The following IMPA2 variants were observed in gnomAD, a reference collection of about 807,000 sequenced individuals.
IMPA2 encodes inositol monophosphatase 2.
IMPA2 carries 32 observed loss-of-function variants against 35.1 expected under a neutral mutation model. The observed-to-expected ratio is 0.91, with a 90% CI of 0.69 to 1.23. The LOEUF (loss-of-function observed/expected upper bound fraction) is 1.23, where lower values mean the gene tolerates loss of function less well. IMPA2 is among the 50% of genes most tolerant of loss of function. The probability of loss-of-function intolerance (pLI) is 0.00; values close to 1 mark genes in which losing one functional copy is unlikely to be tolerated. For missense variants in IMPA2, 334 were observed against 387.6 expected, an observed-to-expected ratio of 0.86 and a Z score of 1.16; for synonymous variants, 135 against 160.6, an observed-to-expected ratio of 0.84 and a Z score of 1.20.
At chr18:12,011,236 G>T (rs1907425731) in intron 3 of IMPA2, among the ~76,000 whole-genome samples, 1 of 152,218 alleles carries the variant, frequency 6.6e-6, no homozygotes, top group South Asian at 2.1e-4. Flanking sequence ...AGCAATTTCA[G>T]AACAGTCTCC....
chr18:12,028,224 C>A, intron 6 of IMPA2, 73 bp downstream of exon 6: 1 of 1,002,532 alleles, frequency 1.0e-6, no homozygotes, highest in South Asian at 1.3e-5. Context: ...CTAAAACTCC[C>A]CTGGGATTTG....
chr18:12,017,651 C>G (rs548437799), intron 5 of IMPA2: 1 of 409,768 alleles, frequency 2.4e-6, no homozygotes, highest in Admixed American at 2.8e-5. Flanking sequence ...TGCGGTGGTG[C>G]AGTCTTGGCT....
chr18:12,020,179 T>TATTGATTG (rs200100858), intron 5 of IMPA2, among the ~76,000 whole-genome samples: 43 of 151,234 alleles, frequency 2.8e-4, no homozygotes, highest in African/African-American at 7.8e-4. Flanking sequence ...GGCCTTTATT[T>TATTGATTG]ATTGATTGAT....
intron 1 of IMPA2, among the ~76,000 whole-genome samples, chr18:11,986,737 G>A (rs994752115): frequency 2.0e-5 from 3 of 152,176 alleles, no homozygotes; most frequent in South Asian, 2.1e-4. Flanking sequence ...CGGAGTCCCT[G>A]TTCTCAATTT....
intron 5 of IMPA2, among the ~76,000 whole-genome samples, chr18:12,024,097 T>C (rs1257980411): frequency 1.3e-5 from 2 of 152,226 alleles, no homozygotes. Flanking sequence ...TTCAGGGGAA[T>C]GGTGACATAA....
rs3786283 is a variant in IMPA2 at position 12,010,830 on chromosome 18, A to G, written c.335+843A>G. Among the ~76,000 whole-genome samples, 220 of 152,340 alleles carry G rather than the reference A, an allele frequency of 1.4e-3. 2 individuals are homozygous for G. The East Asian group carries it at 0.035, about 24-fold the overall frequency. ...CTGATGGCATGTTTATATGTAAAACATGAAGTTATTCCATGCTAAGCACAG... is the reference window on the plus strand; with the variant it reads ...CTGATGGCATGTTTATATGTAAAACGTGAAGTTATTCCATGCTAAGCACAG... On this transcript the variant is annotated intron_variant, in intron 3 of 7. Coordinates refer to ENST00000269159, the MANE Select transcript of IMPA2 (RefSeq NM_014214.3). This position sits in a 1 kb window ranked among gnomAD's most constrained non-coding sequence, Gnocchi z 4.8.
At chr18:12,004,456 C>T (rs915736441) in intron 2 of IMPA2, among the ~76,000 whole-genome samples, 1 of 151,714 alleles carries the variant, frequency 6.6e-6, no homozygotes, top group Non-Finnish European at 1.5e-5. Context: ...TTCCTCTTGT[C>T]TATTGGATAG....
chr18:11,982,552 T>C (rs1396137444), intron 1 of IMPA2, among the ~76,000 whole-genome samples: 1 of 152,134 alleles, frequency 6.6e-6, no homozygotes, highest in Non-Finnish European at 1.5e-5. Context: ...CCCAGCACTT[T>C]GGGAGGCCGA....
intron 2 of IMPA2, among the ~76,000 whole-genome samples, chr18:12,009,465 C>T (rs548755027): frequency 2.0e-5 from 3 of 152,296 alleles, no homozygotes; most frequent in African/African-American, 7.2e-5. Flanking sequence ...CAGGTATCAG[C>T]ATTGACTGGG....
At chr18:11,985,571 G>A (rs1002453390) in intron 1 of IMPA2, among the ~76,000 whole-genome samples, 1 of 152,192 alleles carries the variant, frequency 6.6e-6, no homozygotes, top group Admixed American at 6.5e-5. Flanking sequence ...TACATTAGTT[G>A]TAAGTGAGTC....
Position 12,024,764 on chromosome 18 carries a change from G to GT in IMPA2, c.491-3273dup, listed in dbSNP as rs1907833841. Among the ~76,000 whole-genome samples, 3 of 147,516 alleles carry GT rather than the reference G, an allele frequency of 2.0e-5. No individual in the cohort carries two copies. The Admixed American group carries it at 2.1e-4, about 10-fold the overall frequency. The stretch of plus-strand genomic sequence containing the variant: ...CCTTCCTCCCTCTTTCTTTCACTTT[G>GT]TTTTTTAGAGTAACGGTTTTAGGTT... On this transcript the variant is annotated intron_variant, in intron 5 of 7. Transcript: ENST00000269159.
rs8086581 is a variant in IMPA2 at position 11,989,363 on chromosome 18, G to A, written c.96+7598G>A. On this transcript the variant is annotated intron_variant, in intron 1 of 7. Coordinates refer to ENST00000269159, the MANE Select transcript of IMPA2 (RefSeq NM_014214.3). ...GGTGATGGCCTCCAGCTCCTGCCTC[G>A]CCTGGTCCACACCTGCAGTGTTTGC... Among the ~76,000 whole-genome samples, 1,284 of 152,286 alleles carry A rather than the reference G, an allele frequency of 8.4e-3. 24 individuals are homozygous for A. Among genetic ancestry groups the A allele is most frequent in the African/African-American group, 0.029 (1,202 of 41,560 alleles).
rs1598690806 is a variant in IMPA2 at position 12,001,042 on chromosome 18, A to G, written c.230+1855A>G. On this transcript the variant is annotated intron_variant, in intron 2 of 7. Transcript: ENST00000269159. ...TGAGGAGTTCAAGACCAGCCTGAAC[A>G]ACATGGTGAAACCTCGTCCCTACTA... Among the ~76,000 whole-genome samples the G allele has an allele frequency of 2.0e-5, 3 of 151,754 alleles. 1 individual carries two copies. The South Asian group carries it at 6.2e-4, about 32-fold the overall frequency.
chr18:11,982,438 T>C (rs752787544), intron 1 of IMPA2, among the ~76,000 whole-genome samples: 8 of 152,200 alleles, frequency 5.3e-5, no homozygotes, highest in Admixed American at 1.3e-4. Flanking sequence ...ACGGTAGTGG[T>C]AGGCAAGCGA....
chr18:11,981,956 C>T (rs932480928), intron 1 of IMPA2, among the ~76,000 whole-genome samples, 191 bp downstream of exon 1: 8 of 151,926 alleles, frequency 5.3e-5, no homozygotes, highest in African/African-American at 1.7e-4. Context: ...CGCCCTTCTC[C>T]AACTCCCGGA....
At chr18:11,987,761 T>C (rs538268850) in intron 1 of IMPA2, among the ~76,000 whole-genome samples, 30 of 151,474 alleles carry the variant, frequency 2.0e-4, no homozygotes, top group African/African-American at 7.1e-4. Flanking sequence ...ATAGTAGGAG[T>C]AGAATCGCTG....
intron 3 of IMPA2, 72 bp from the exon 4 acceptor site, chr18:12,012,098 C>T (rs572953490): frequency 9.0e-6 from 13 of 1,449,430 alleles, no homozygotes; most frequent in East Asian, 4.5e-5. Flanking sequence ...TGCGGGGAGC[C>T]GCACAGCACA....
intron 1 of IMPA2, among the ~76,000 whole-genome samples, chr18:11,983,712 C>T (rs576015439): frequency 4.3e-4 from 65 of 152,158 alleles, no homozygotes; most frequent in Admixed American, 1.6e-3. Context: ...CCGGGGCTCC[C>T]CCTCAGGCAT....
intron 1 of IMPA2, chr18:11,995,052 G>GGGAGGGGAGC (rs1906922161): frequency 6.6e-6 from 1 of 152,460 alleles, no homozygotes. Flanking sequence ...CGGAGGGGAG[G>GGGAGGGGAGC]GGAGGGGAGC....
Sources: allele counts gnomAD v4.1 joint callset (sites outside exome capture counted in the v4.1 genomes callset), GRCh38; gene constraint gnomAD v4.1.1; non-coding constraint Gnocchi (gnomAD v3.1); transcripts MANE v1.5; gene names NCBI Gene and HGNC (gene_info 2026-07-23, HGNC 2026-07-21).